TENM2: variants seen among roughly 807,000 people sequenced by gnomAD.
The protein encoded by TENM2 is teneurin-2.
In TENM2, 52 loss-of-function variants were observed where a neutral mutation model predicts 245.2. The observed-to-expected ratio is 0.21, with a 90% CI of 0.17 to 0.27. TENM2 has a LOEUF of 0.27. Ranked by LOEUF, TENM2 falls within the 10% of genes least tolerant of loss-of-function variation. The probability of loss-of-function intolerance (pLI) is 1.00; values close to 1 mark genes in which losing one functional copy is unlikely to be tolerated. For missense variants in TENM2, 3,046 were observed against 3,666.8 expected, an observed-to-expected ratio of 0.83 and a Z score of 4.37; for synonymous variants, 1,363 against 1,438.9, an observed-to-expected ratio of 0.95 and a Z score of 1.19.
chr5:167,872,528 GAAAGAAAGAAAGAAAGAAAGAGAAAGAA>G (rs1489857206), intron 2 of TENM2, among the ~76,000 whole-genome samples: 522 of 50,892 alleles, frequency 0.01, 3 homozygotes, highest in African/African-American at 0.027. Context: ...AAGAAAGAAA[GAAAGAAAGAAAGAAAGAAAGAGAAAGAA>G]AGAAAGAAAG....
intron 2 of TENM2, among the ~76,000 whole-genome samples, chr5:167,590,686 TTTAAC>T (rs919911687): frequency 3.9e-5 from 6 of 152,152 alleles, no homozygotes; most frequent in East Asian, 3.9e-4. Context: ...TTTTTTCCTC[TTTAAC>T]TTGAGTCTCT....
At chr5:167,359,689 T>G (rs1759580571) in intron 1 of TENM2, among the ~76,000 whole-genome samples, 1 of 152,190 alleles carries the variant, frequency 6.6e-6, no homozygotes, top group Admixed American at 6.5e-5. Context: ...TCCAGGGATT[T>G]TATAGTTTTG....
chr5:167,588,544 ATACT>A (rs1424597571), intron 2 of TENM2, among the ~76,000 whole-genome samples: 1 of 152,198 alleles, frequency 6.6e-6, no homozygotes, highest in Non-Finnish European at 1.5e-5. Context: ...TTTTCTTTTG[ATACT>A]TAGTTACTTA....
At chr5:167,497,833 C>A (rs529584056) in intron 2 of TENM2, among the ~76,000 whole-genome samples, 14 of 152,114 alleles carry the variant, frequency 9.2e-5, no homozygotes, top group African/African-American at 3.4e-4. Context: ...TGCCGGTTGT[C>A]CCCTCCGAGA....
chr5:167,786,315 G>A (rs1764577139), intron 2 of TENM2, among the ~76,000 whole-genome samples: 1 of 152,200 alleles, frequency 6.6e-6, no homozygotes, highest in Non-Finnish European at 1.5e-5. Context: ...TCATGACTGA[G>A]AAGAATAAGA....
chr5:166,981,503 C>A, the TENM2 span, among the ~76,000 whole-genome samples: 2 of 152,070 alleles, frequency 1.3e-5, no homozygotes, highest in Non-Finnish European at 2.9e-5. Context: ...CTTCTAGGAC[C>A]CAAACCAAAA....
At chr5:168,115,363 A>AG (rs762284817) in intron 9 of TENM2, among the ~76,000 whole-genome samples, 20 of 64,216 alleles carry the variant, frequency 3.1e-4, no homozygotes, top group African/African-American at 7.3e-5. Context: ...AAGGAAGGGA[A>AG]GGAAGGAAGG....
At chr5:168,030,993 T>TC (rs1787095080) in intron 5 of TENM2, among the ~76,000 whole-genome samples, 1 of 152,144 alleles carries the variant, frequency 6.6e-6, no homozygotes, top group African/African-American at 2.4e-5. Context: ...TTGGTGGAAA[T>TC]CATTTAGAAT....
intron 2 of TENM2, among the ~76,000 whole-genome samples, chr5:167,562,957 C>CAA (rs58779751): frequency 1.3e-3 from 101 of 77,566 alleles, no homozygotes; most frequent in African/African-American, 3.9e-3. Context: ...AATTCTGTCT[C>CAA]AAAAAAAAAA....
the TENM2 span, among the ~76,000 whole-genome samples, chr5:167,188,594 T>G: frequency 6.6e-6 from 1 of 152,176 alleles, no homozygotes; most frequent in African/African-American, 2.4e-5. Flanking sequence ...ACAAACTGTT[T>G]ATAAAGCCAT....
intron 2 of TENM2, among the ~76,000 whole-genome samples, chr5:167,644,235 T>C (rs1344560012): frequency 6.6e-6 from 1 of 152,218 alleles, no homozygotes; most frequent in Non-Finnish European, 1.5e-5. Flanking sequence ...GTTTATTAAC[T>C]AAGCAAATTA....
At chr5:167,906,203 A>G (rs1270458192) in intron 3 of TENM2, among the ~76,000 whole-genome samples, 1 of 152,236 alleles carries the variant, frequency 6.6e-6, no homozygotes, top group Non-Finnish European at 1.5e-5. Flanking sequence ...ATAAAATAAA[A>G]TAAAAACCCT....
chr5:167,816,982 A>T (rs1459616229), intron 2 of TENM2, among the ~76,000 whole-genome samples: 1 of 152,204 alleles, frequency 6.6e-6, no homozygotes, highest in East Asian at 1.9e-4. Flanking sequence ...ATTAGCTGAG[A>T]TCTGTGCAGT....
chr5:167,798,180 C>A (rs1023534985), intron 2 of TENM2, among the ~76,000 whole-genome samples: 1 of 152,318 alleles, frequency 6.6e-6, no homozygotes, highest in Non-Finnish European at 1.5e-5. Context: ...CAGGCGCAAG[C>A]TAACTGCAGG....
the TENM2 span, among the ~76,000 whole-genome samples, chr5:167,100,575 T>C: frequency 6.6e-6 from 1 of 152,164 alleles, no homozygotes; most frequent in African/African-American, 2.4e-5. Flanking sequence ...CCCTGTTCTT[T>C]TTGCTTTAAT....
intron 7 of TENM2, among the ~76,000 whole-genome samples, chr5:168,069,935 A>G (rs1790837754): frequency 6.6e-6 from 1 of 152,186 alleles, no homozygotes; most frequent in Non-Finnish European, 1.5e-5. Flanking sequence ...GGCAGAGAAA[A>G]TTAACAAAGA....
At chr5:168,246,045 C>T (rs1019445205) in intron 26 of TENM2, among the ~76,000 whole-genome samples, 1 of 151,858 alleles carries the variant, frequency 6.6e-6, no homozygotes, top group East Asian at 1.9e-4. Context: ...CCAGCCTGGC[C>T]AACATGGTGA....
chr5:168,234,641 CT>C (rs1488699785), intron 25 of TENM2, among the ~76,000 whole-genome samples: 10 of 152,250 alleles, frequency 6.6e-5, no homozygotes, highest in Admixed American at 3.9e-4. Flanking sequence ...TTTTTCTAGG[CT>C]TTTGGAAGAG....
chr5:167,248,910 C>T, the TENM2 span, among the ~76,000 whole-genome samples: 3 of 151,924 alleles, frequency 2.0e-5, no homozygotes, highest in East Asian at 1.9e-4. Flanking sequence ...AAATGAACAA[C>T]AAAAATGAAA....
Sources: allele counts gnomAD v4.1 joint callset (sites outside exome capture counted in the v4.1 genomes callset), GRCh38; gene constraint gnomAD v4.1.1; transcripts MANE v1.5; gene names NCBI Gene and HGNC (gene_info 2026-07-23, HGNC 2026-07-21).